Variants in EVI5 observed in about 807,000 individuals in gnomAD.
EVI5 encodes ecotropic viral integration site 5.
A neutral mutation model predicts 112.0 loss-of-function variants in EVI5; 73 were observed. That is an observed-to-expected ratio of 0.65 (90% CI 0.54 to 0.79). The LOEUF (loss-of-function observed/expected upper bound fraction) is 0.79, where lower values mean the gene tolerates loss of function less well. Among genes scored for constraint, EVI5 ranks in the 30% least tolerant of loss-of-function variants. EVI5 has a pLI of 0.00. For missense variants in EVI5, 900 were observed against 968.8 expected, an observed-to-expected ratio of 0.93 and a Z score of 0.94; for synonymous variants, 305 against 319.9, an observed-to-expected ratio of 0.95 and a Z score of 0.50.
chr1:92,732,317 C>A (rs1558164521), intron 2 of EVI5: 1 of 395,988 alleles, frequency 2.5e-6, no homozygotes. Flanking sequence ...AATCCCAAAG[C>A]CTTACATGAC....
rs149355303 is a variant in EVI5 at position 92,669,275 on chromosome 1, C to T, written c.1159-3283G>A. On this transcript the variant is annotated intron_variant, in intron 10 of 19. Transcript: ENST00000684568. ...TTTCACTGAATTTGAGGGCCAGGTA[C>T]AATGGTTTACAGCTGTAATCCCAGA... Among the ~76,000 whole-genome samples, 1,124 of 152,046 alleles carry T rather than the reference C, an allele frequency of 7.4e-3. 8 individuals are homozygous for T. Among genetic ancestry groups the T allele is most frequent in the Admixed American group, 0.013 (202 of 15,260 alleles).
At chr1:92,621,470 C>A (rs994032822) in intron 16 of EVI5, among the ~76,000 whole-genome samples, 3 of 152,160 alleles carry the variant, frequency 2.0e-5, no homozygotes, top group Non-Finnish European at 4.4e-5. Flanking sequence ...TGCCACCACA[C>A]CTGGATAATT....
chr1:92,543,266 C>T (rs567988478), intron 19 of EVI5, among the ~76,000 whole-genome samples: 1 of 152,366 alleles, frequency 6.6e-6, no homozygotes, highest in African/African-American at 2.4e-5. Flanking sequence ...GCACTTGCTA[C>T]TTCACCTTGT....
intron 16 of EVI5, 94 bp from the exon 17 acceptor site, chr1:92,607,821 A>T: frequency 6.7e-6 from 5 of 747,280 alleles, no homozygotes; most frequent in Non-Finnish European, 8.4e-6. Context: ...ACATTATTAA[A>T]AATGTTACTA....
chr1:92,547,963 T>G (rs1027060016), intron 19 of EVI5, among the ~76,000 whole-genome samples: 5 of 151,486 alleles, frequency 3.3e-5, no homozygotes, highest in Admixed American at 2.6e-4. Flanking sequence ...TTCCAATCAA[T>G]AGAAAAAGAG....
chr1:92,790,823 CAA>C (rs796844421), intron 1 of EVI5, among the ~76,000 whole-genome samples: 39 of 123,994 alleles, frequency 3.1e-4, no homozygotes, highest in Admixed American at 5.9e-4. Context: ...GATCCTGTCT[CAA>C]AAAAAAAAAA....
chr1:92,557,469 A>G (rs1667853441), intron 19 of EVI5, among the ~76,000 whole-genome samples: 1 of 150,924 alleles, frequency 6.6e-6, no homozygotes, highest in Non-Finnish European at 1.5e-5. Flanking sequence ...TTATTTATTT[A>G]TTTATTTTTA....
upstream of EVI5, among the ~76,000 whole-genome samples, chr1:92,786,566 C>T (rs1458749846): frequency 1.3e-5 from 2 of 152,166 alleles, no homozygotes; most frequent in Non-Finnish European, 2.9e-5. Context: ...CCTCCATCAC[C>T]ACCCTAGTCT....
chr1:92,791,072 T>G (rs908435586), intron 1 of EVI5, among the ~76,000 whole-genome samples: 1 of 152,206 alleles, frequency 6.6e-6, no homozygotes, highest in African/African-American at 2.4e-5. Flanking sequence ...ACATTAACAC[T>G]GTCAGCCCAA....
At position 92,616,125 on chromosome 1, in the gene EVI5, T is replaced by C. The variant is rs555713701; in HGVS notation, c.1827+8051A>G. On this transcript the variant is annotated intron_variant, in intron 16 of 19. Transcript: ENST00000684568. ...AAACGCCTGATCTCCCTTGGTTTAA[T>C]GTAGAGGATGGAATCCAAAGGCTTA... 4.6e-5 allele frequency among the ~76,000 whole-genome samples: 7 copies of C among 152,296 alleles called. No individual in the cohort carries two copies. In the South Asian group the frequency reaches 1.2e-3, roughly 27 times the overall value.
upstream of EVI5, among the ~76,000 whole-genome samples, chr1:92,789,620 C>T (rs1309966304): frequency 2.6e-5 from 4 of 152,006 alleles, no homozygotes; most frequent in Admixed American, 6.6e-5. Context: ...GTTTTATTTG[C>T]GGTAAATTCA....
rs993036691 is a variant in EVI5 at position 92,557,653 on chromosome 1, A to C, written c.2166+5989T>G. ...TCAGTCAGTAGTATTTAGAGATAGA[A>C]CATTTCTCCTTTCAAGTTCTTTCTT... is the stretch of plus-strand genomic sequence containing the variant. On this transcript the variant is annotated intron_variant, in intron 19 of 19. Coordinates refer to ENST00000684568, the MANE Select transcript of EVI5 (RefSeq NM_001350197.2). Among the ~76,000 whole-genome samples, 9 of 152,146 alleles carry C rather than the reference A, an allele frequency of 5.9e-5. 1 individual carries two copies. Among genetic ancestry groups the C allele is most frequent in the Admixed American group, 3.9e-4 (6 of 15,254 alleles).
chr1:92,547,595 G>A (rs532432981), intron 19 of EVI5, among the ~76,000 whole-genome samples: 19 of 152,042 alleles, frequency 1.2e-4, no homozygotes, highest in South Asian at 2.1e-4. Flanking sequence ...TAGATAGACC[G>A]CTAGCAAGAC....
rs969483216 is a variant in EVI5, at chr1:92,513,693, G to A, written c.2444C>T (p.Pro815Leu). The A allele has an allele frequency of 6.2e-7, 1 of 1,612,220 alleles. No individual in the cohort carries two copies. Among genetic ancestry groups the A allele is most frequent in the Non-Finnish European group, 8.5e-7 (1 of 1,179,278 alleles). ...ESNQVVQKER[P>L]PRRRESYSTT... is the part of the protein sequence containing the mutation. ...TGAATACGACTCTCTTCTTCTCGGG[G>A]GCCGCTCCTTTTGAACCACTTGGTT... Residue 815 changes from proline (P) to leucine (L), a missense_variant, in exon 20 of 20, where the codon CCC (proline) becomes CTC (leucine). Physicochemically the swap from Pro to Leu is moderately conservative, Grantham distance 98. Transcript: ENST00000684568.
chr1:92,643,291 CTTTTTTTTT>C lies in EVI5; in HGVS notation c.1393-6964_1393-6956del, dbSNP rs34807551. 8.1e-4 allele frequency among the ~76,000 whole-genome samples: 100 copies of C among 123,068 alleles called. 1 individual carries two copies. Among genetic ancestry groups the C allele is most frequent in the South Asian group, 4.9e-3 (18 of 3,688 alleles). 80.7% of individuals were successfully genotyped at this position (123,068 alleles called of 152,430 possible). On this transcript the variant is annotated intron_variant, in intron 13 of 19. Coordinates refer to ENST00000684568, the MANE Select transcript of EVI5 (RefSeq NM_001350197.2). ...AATTCAATAATAAATTAACTCAAAT[CTTTTTTTTT>C]TTTTTTTTTTTTTTAAAGAGATAGG... is the stretch of plus-strand genomic sequence containing the variant.
intron 9 of EVI5, among the ~76,000 whole-genome samples, chr1:92,687,293 G>T (rs1217035112): frequency 6.6e-6 from 1 of 152,150 alleles, no homozygotes; most frequent in African/African-American, 2.4e-5. Context: ...ATGGGAAAAA[G>T]ATTCCCTATT....
intron 18 of EVI5, among the ~76,000 whole-genome samples, chr1:92,564,656 G>A (rs964303489): frequency 6.7e-6 from 1 of 150,142 alleles, no homozygotes; most frequent in East Asian, 2.0e-4. Flanking sequence ...ACCTGAAAAC[G>A]AACATAAATT....
intron 14 of EVI5, among the ~76,000 whole-genome samples, chr1:92,633,818 C>T (rs75989896): frequency 6.6e-6 from 1 of 152,178 alleles, no homozygotes; most frequent in Non-Finnish European, 1.5e-5. Flanking sequence ...GTGGCTGGTA[C>T]CAGCTGTTCC....
intron 1 of EVI5, among the ~76,000 whole-genome samples, chr1:92,758,410 A>C (rs1028029919): frequency 1.3e-5 from 2 of 152,080 alleles, no homozygotes; most frequent in African/African-American, 4.8e-5. Context: ...CTCTACAAAA[A>C]ATACAAAAAT....
Sources: gnomAD v4.1 joint callset for allele counts (sites outside exome capture counted in the v4.1 genomes callset) on GRCh38, gnomAD v4.1.1 for gene constraint, MANE v1.5 for transcripts, NCBI Gene and HGNC (gene_info 2026-07-23, HGNC 2026-07-21) for gene names.